Variants in NRXN1 observed in about 807,000 individuals in gnomAD.
The protein encoded by NRXN1 is neurexin 1, also known as neurexin-1.
Under a neutral mutation model 150.9 loss-of-function variants are expected in NRXN1, and 39 were observed. That is an observed-to-expected ratio of 0.26 (90% CI 0.20 to 0.34). The LOEUF (loss-of-function observed/expected upper bound fraction) is 0.34, where lower values mean the gene tolerates loss of function less well. Ranked by LOEUF, NRXN1 falls within the 10% of genes least tolerant of loss-of-function variation. The pLI is 1.00. For synonymous variants in NRXN1, 924 were observed against 757.0 expected, an observed-to-expected ratio of 1.22 and a Z score of -3.62; for missense variants, 1,815 against 1,949.9, an observed-to-expected ratio of 0.93 and a Z score of 1.30.
chr2:50,228,863 G>T (rs184074725), intron 18 of NRXN1, among the ~76,000 whole-genome samples: 330 of 152,006 alleles, frequency 2.2e-3, no homozygotes, highest in African/African-American at 7.3e-3. Context: ...CCCCATTCAG[G>T]GCTGTGCTCT....
Position 50,934,392 on chromosome 2 carries a change from T to C in NRXN1, c.773-8437A>G, listed in dbSNP as rs1489411210. 2.0e-5 allele frequency among the ~76,000 whole-genome samples: 3 copies of C among 152,230 alleles called. No individual in the cohort carries two copies. The East Asian group carries it at 5.8e-4, about 29-fold the overall frequency. On this transcript the variant is annotated intron_variant, in intron 2 of 22. Coordinates refer to ENST00000401669, the MANE Select transcript of NRXN1 (RefSeq NM_001330078.2). ...AATTATAAACTTCTCTTTTCCTCTT[T>C]GTATCTGTTATTTCAATTTTGTTTG...
intron 5 of NRXN1, among the ~76,000 whole-genome samples, chr2:50,880,821 C>G (rs748993075): frequency 6.6e-6 from 1 of 151,898 alleles, no homozygotes; most frequent in African/African-American, 2.4e-5. Context: ...GGATAATTCA[C>G]AACAAACATC....
chr2:50,278,916 A>G (rs2071032526), intron 17 of NRXN1, among the ~76,000 whole-genome samples: 1 of 152,218 alleles, frequency 6.6e-6, no homozygotes, highest in Non-Finnish European at 1.5e-5. Context: ...AATTACAAAT[A>G]AAGCACCTCT....
chr2:50,947,496 C>A (rs938256932), intron 2 of NRXN1, among the ~76,000 whole-genome samples: 1 of 151,850 alleles, frequency 6.6e-6, no homozygotes, highest in African/African-American at 2.4e-5. Flanking sequence ...CCATTCTTTT[C>A]CCATGCACGG....
At chr2:50,728,164 G>C (rs544461395) in intron 5 of NRXN1, among the ~76,000 whole-genome samples, 26 of 152,016 alleles carry the variant, frequency 1.7e-4, no homozygotes, top group African/African-American at 6.3e-4. Context: ...GTTTGAGACA[G>C]AGACTTCTTC....
Position 50,346,870 on chromosome 2 carries a change from G to GCGCCGC in NRXN1, c.3365-109906_3365-109901dup, listed in dbSNP as rs750165040. The GCGCCGC allele has an allele frequency of 1.6e-3, 2,192 of 1,366,670 alleles. No homozygotes were observed. The highest frequency in any genetic ancestry group is 1.9e-3 in the Non-Finnish European group (2,008 of 1,058,066). 84.7% of individuals were successfully genotyped at this position (1,366,670 alleles called of 1,614,324 possible). ...CCAAAGCAGGGCCAGGCGCCCCCCT[G>GCGCCGC]CGCCGCCGCCGCCGCCGCCGCCGCC... On this transcript the variant is annotated intron_variant, in intron 17 of 22. Transcript: ENST00000401669. This position sits in a 1 kb window ranked among gnomAD's most constrained non-coding sequence, Gnocchi z 5.0.
intron 2 of NRXN1, among the ~76,000 whole-genome samples, chr2:51,007,883 T>A (rs968329175): frequency 6.6e-6 from 1 of 151,496 alleles, no homozygotes; most frequent in African/African-American, 2.4e-5. Flanking sequence ...CAAAATATGA[T>A]GAAAAAGTCA....
At chr2:50,288,910 GAGACGAAA>G (rs1187882752) in intron 17 of NRXN1, among the ~76,000 whole-genome samples, 2 of 152,226 alleles carry the variant, frequency 1.3e-5, no homozygotes, top group Non-Finnish European at 2.9e-5. Flanking sequence ...TGGTTGAAAT[GAGACGAAA>G]AGTCAGATGC....
chr2:50,933,574 T>C (rs1688092461), intron 2 of NRXN1, among the ~76,000 whole-genome samples: 1 of 152,098 alleles, frequency 6.6e-6, no homozygotes, highest in Non-Finnish European at 1.5e-5. Flanking sequence ...ACCAATTCTA[T>C]ACTTTTGAAG....
intron 21 of NRXN1, among the ~76,000 whole-genome samples, chr2:49,971,563 T>A (rs1187198775): frequency 6.6e-6 from 1 of 152,128 alleles, no homozygotes; most frequent in African/African-American, 2.4e-5. Context: ...TCAATGAAAA[T>A]ATTTATCCTT....
intron 8 of NRXN1, among the ~76,000 whole-genome samples, chr2:50,613,184 A>G (rs12476492): frequency 0.6 from 91,634 of 151,982 alleles, 27,829 homozygotes; most frequent in East Asian, 0.73. Flanking sequence ...AACTTCTGCC[A>G]AAAACATTAA....
At chr2:50,343,203 A>C (rs2077679720) in intron 17 of NRXN1, among the ~76,000 whole-genome samples, 1 of 152,122 alleles carries the variant, frequency 6.6e-6, no homozygotes, top group Non-Finnish European at 1.5e-5. Flanking sequence ...TCCTTCCTTT[A>C]TCTCCTGAAA....
chr2:49,934,056 T>A (rs921548699), intron 22 of NRXN1, among the ~76,000 whole-genome samples: 4 of 152,218 alleles, frequency 2.6e-5, no homozygotes, highest in Non-Finnish European at 5.9e-5. Context: ...CTTTAATGGA[T>A]CAGTGCTCTC....
intron 21 of NRXN1, among the ~76,000 whole-genome samples, chr2:49,971,306 G>A (rs1677913048): frequency 6.6e-6 from 1 of 152,152 alleles, no homozygotes; most frequent in Non-Finnish European, 1.5e-5. Context: ...GCATATGGAA[G>A]TGACACAGAC....
intron 17 of NRXN1, among the ~76,000 whole-genome samples, chr2:50,255,416 A>G (rs1436190054): frequency 6.6e-6 from 1 of 152,196 alleles, no homozygotes; most frequent in Non-Finnish European, 1.5e-5. Flanking sequence ...AGCACGGATT[A>G]AAGTACCAAA....
intron 17 of NRXN1, among the ~76,000 whole-genome samples, chr2:50,339,772 TACTG>T (rs72246941): frequency 0.025 from 3,834 of 152,290 alleles, 132 homozygotes; most frequent in African/African-American, 0.087. Context: ...TCTTCCTACT[TACTG>T]ACTAAGTACC....
At chr2:50,492,371 A>G (rs1573229566) in intron 15 of NRXN1, among the ~76,000 whole-genome samples, 1 of 152,286 alleles carries the variant, frequency 6.6e-6, no homozygotes, top group East Asian at 1.9e-4. Flanking sequence ...GCTGCATGGA[A>G]TTTATCTTCT....
intron 9 of NRXN1, among the ~76,000 whole-genome samples, chr2:50,552,194 AT>A (rs1220510105): frequency 6.6e-6 from 1 of 151,808 alleles, no homozygotes; most frequent in Non-Finnish European, 1.5e-5. Flanking sequence ...GATCATTCTA[AT>A]TTTTTTTTCA....
intron 2 of NRXN1, among the ~76,000 whole-genome samples, chr2:50,932,975 GA>G (rs1001332119): frequency 1.2e-4 from 18 of 148,454 alleles, no homozygotes; most frequent in Middle Eastern, 3.5e-3. Context: ...CTTTATTAAA[GA>G]AAAAAAAAGG....
Sources: gnomAD v4.1 joint callset for allele counts (sites outside exome capture counted in the v4.1 genomes callset) on GRCh38, gnomAD v4.1.1 for gene constraint, Gnocchi (gnomAD v3.1) non-coding constraint, MANE v1.5 for transcripts, NCBI Gene and HGNC (gene_info 2026-07-23, HGNC 2026-07-21) for gene names.